The following SEL1L3 variants were observed in gnomAD, a reference collection of about 807,000 sequenced individuals.
SEL1L3 encodes protein sel-1 homolog 3.
Under a neutral mutation model 142.8 loss-of-function variants are expected in SEL1L3, and 76 were observed. The ratio of observed to expected loss-of-function variants is 0.53; its 90% CI spans 0.44 to 0.64. The LOEUF (loss-of-function observed/expected upper bound fraction) is 0.64, where lower values mean the gene tolerates loss of function less well. Ranked by LOEUF, SEL1L3 falls within the 30% of genes least tolerant of loss-of-function variation. The probability of loss-of-function intolerance (pLI) is 0.00; values close to 1 mark genes in which losing one functional copy is unlikely to be tolerated. For synonymous variants in SEL1L3, 504 were observed against 519.6 expected (o/e 0.97, Z 0.41); for missense variants, 1,262 against 1,381.7 (o/e 0.91, Z 1.37).
At chr4:25,832,302 A>G (rs59037361) in intron 5 of SEL1L3, among the ~76,000 whole-genome samples, 1,803 of 152,352 alleles carry the variant, frequency 0.012, 36 homozygotes, top group African/African-American at 0.041. Context: ...ATCACAGATC[A>G]ATAAGAAAAG....
chr4:25,809,949 AG>A (rs1412901340), intron 9 of SEL1L3, among the ~76,000 whole-genome samples: 1 of 152,212 alleles, frequency 6.6e-6, no homozygotes, highest in Non-Finnish European at 1.5e-5. Flanking sequence ...AAAGCAAGGT[AG>A]AGCTTCGCTA....
chr4:25,756,970 A>C, intron 23 of SEL1L3: 2 of 1,215,500 alleles, frequency 1.6e-6, no homozygotes, highest in South Asian at 2.9e-5. Flanking sequence ...CTTTTTAAAG[A>C]AAGTCCTTAT....
chr4:25,847,965 T>C (rs1302020803), intron 1 of SEL1L3, 101 bp from the exon 2 acceptor site: 5 of 773,006 alleles, frequency 6.5e-6, no homozygotes, highest in Non-Finnish European at 1.0e-5. Flanking sequence ...AAAATATCAA[T>C]CTACATAAAG....
intron 2 of SEL1L3, among the ~76,000 whole-genome samples, chr4:25,846,182 C>T (rs1313610576): frequency 6.6e-6 from 1 of 152,154 alleles, no homozygotes; most frequent in Non-Finnish European, 1.5e-5. Context: ...CTCCTTGCAC[C>T]AATGGAGAGA....
At chr4:25,794,952 G>C (rs1337827195) in intron 11 of SEL1L3, among the ~76,000 whole-genome samples, 7 of 147,234 alleles carry the variant, frequency 4.8e-5, no homozygotes, top group Admixed American at 4.3e-4. Context: ...AACTAACACA[G>C]GAACAGAAAA....
the SEL1L3 span, among the ~76,000 whole-genome samples, chr4:25,734,335 C>T: frequency 3.2e-4 from 49 of 152,142 alleles, no homozygotes; most frequent in East Asian, 6.0e-3. Context: ...CATGAGCCAC[C>T]GTGCCCAGCC....
intron 17 of SEL1L3, among the ~76,000 whole-genome samples, chr4:25,773,085 C>T (rs143761463): frequency 2.4e-3 from 369 of 152,222 alleles, no homozygotes; most frequent in African/African-American, 8.2e-3. Context: ...GCGTGCACCA[C>T]CACGCCCAGC....
chr4:25,728,843 T>G, the SEL1L3 span, among the ~76,000 whole-genome samples: 24,765 of 145,164 alleles, frequency 0.17, 2,946 homozygotes, highest in African/African-American at 0.35. Flanking sequence ...TCCAGCCTAG[T>G]CAACAGAGAC....
chr4:25,800,371 G>A (rs1487811536), intron 11 of SEL1L3, among the ~76,000 whole-genome samples: 1 of 152,184 alleles, frequency 6.6e-6, no homozygotes, highest in South Asian at 2.1e-4. Context: ...ATTCCTATCT[G>A]TGATTCTTAA....
rs565556719 is a variant in SEL1L3, at chr4:25,756,454, C to T, written c.3259+1080G>A. On this transcript the variant is annotated intron_variant, in intron 23 of 23. Transcript: ENST00000399878. ...ATAACAGCTAACGTTTAACTACAGCCGTCATTTTGGTAAGTATCTTACGTG... is the reference window on the plus strand; with the variant it reads ...ATAACAGCTAACGTTTAACTACAGCTGTCATTTTGGTAAGTATCTTACGTG... 1.4e-5 allele frequency: 14 copies of T among 985,084 alleles called. No individual in the cohort carries two copies. The East Asian group carries it at 1.0e-3, about 72-fold the overall frequency. The allele number at this position is 985,084 out of a possible 1,614,324, so 61.0% of individuals were successfully genotyped here.
chr4:25,737,890 C>CTT, the SEL1L3 span, among the ~76,000 whole-genome samples: 36 of 151,042 alleles, frequency 2.4e-4, no homozygotes, highest in South Asian at 2.5e-3. Context: ...ATACAGTTGC[C>CTT]TTTTTTTTTG....
In SEL1L3 at chr4:25,765,559, A is replaced by G. The variant is rs1273532195; in HGVS notation, c.2846-124T>C. The G allele has an allele frequency of 7.6e-6, 5 of 658,322 alleles. No homozygotes were observed. In the East Asian group the frequency reaches 1.1e-4, roughly 14 times the overall value. 40.8% of individuals were successfully genotyped at this position (658,322 alleles called of 1,614,324 possible). On this transcript the variant is annotated intron_variant, in intron 19 of 23. Coordinates refer to ENST00000399878, the MANE Select transcript of SEL1L3 (RefSeq NM_015187.5). ...TAGTATCTGAATACAGAACATCTTT[A>G]TGTTTCCCTGATGTGTCAAGAGAGA...
At chr4:25,730,813 G>C in the SEL1L3 span, among the ~76,000 whole-genome samples, 1 of 152,132 alleles carries the variant, frequency 6.6e-6, no homozygotes, top group African/African-American at 2.4e-5. Context: ...CAGATCACCT[G>C]AGGTCAGGAG....
At chr4:25,729,927 C>T in the SEL1L3 span, among the ~76,000 whole-genome samples, 109 of 151,336 alleles carry the variant, frequency 7.2e-4, 1 homozygote, top group African/African-American at 2.6e-3. Context: ...TTCTTCTTCT[C>T]CTTCTTCTTC....
chr4:25,759,208 G>T, intron 20 of SEL1L3, 140 bp from the exon 21 acceptor site: 1 of 807,150 alleles, frequency 1.2e-6, no homozygotes, highest in Non-Finnish European at 1.9e-6. Context: ...CATCTTCATT[G>T]ATGAATTGTT....
chr4:25,840,541 GAGA>G (rs1716105514), intron 2 of SEL1L3, among the ~76,000 whole-genome samples: 1 of 152,146 alleles, frequency 6.6e-6, no homozygotes, highest in Non-Finnish European at 1.5e-5. Context: ...GAAAAGAGTG[GAGA>G]AGAAGAAAAC....
chr4:25,718,091 TATA>T, the SEL1L3 span: 1 of 152,136 alleles, frequency 6.6e-6, no homozygotes, highest in African/African-American at 2.4e-5. Flanking sequence ...ATGCAAACCC[TATA>T]ATAATTTTAG....
chr4:25,770,754 A>AG (rs1553865421), intron 17 of SEL1L3, among the ~76,000 whole-genome samples: 13 of 150,734 alleles, frequency 8.6e-5, no homozygotes, highest in African/African-American at 3.2e-4. Flanking sequence ...AAAAAAAAAA[A>AG]AAAAGAAAAG....
rs1433966908 is a variant in SEL1L3 at position 25,856,741 on chromosome 4, A to G, written c.162+5934T>C. ...TGTATATTCTGGATGGAAAAATAAAACTATCAATATGACCTAAACTTCTTT... is the reference window on the plus strand; with the variant it reads ...TGTATATTCTGGATGGAAAAATAAAGCTATCAATATGACCTAAACTTCTTT... On this transcript the variant is annotated intron_variant, in intron 1 of 23. Transcript: ENST00000399878. Among the ~76,000 whole-genome samples, 6 of 152,210 alleles carry G rather than the reference A, an allele frequency of 3.9e-5. No individual in the cohort carries two copies. The East Asian group carries it at 1.2e-3, about 29-fold the overall frequency.
Sources: gnomAD v4.1 joint callset for allele counts (sites outside exome capture counted in the v4.1 genomes callset) on GRCh38, gnomAD v4.1.1 for gene constraint, MANE v1.5 for transcripts, NCBI Gene and HGNC (gene_info 2026-07-23, HGNC 2026-07-21) for gene names.